SYNE2: variants seen among roughly 807,000 people sequenced by gnomAD.
SYNE2 encodes spectrin repeat containing nuclear envelope protein 2.
Under a neutral mutation model 856.3 loss-of-function variants are expected in SYNE2, and 431 were observed. The ratio of observed to expected loss-of-function variants is 0.50; its 90% confidence interval spans 0.47 to 0.55. The LOEUF (loss-of-function observed/expected upper bound fraction) is 0.55, where lower values mean the gene tolerates loss of function less well. Ranked by LOEUF, SYNE2 falls within the 20% of genes least tolerant of loss-of-function variation. The pLI, the probability that SYNE2 is intolerant of heterozygous loss-of-function variation, is 0.00. For missense variants in SYNE2, 8,129 were observed against 8,023.2 expected (o/e 1.01, Z -0.50); for synonymous variants, 2,923 against 2,872.3 (o/e 1.02, Z -0.56).
chr14:64,049,914 C>A, intron 47 of SYNE2, 38 bp downstream of exon 47: 1 of 1,609,764 alleles, frequency 6.2e-7, no homozygotes, highest in South Asian at 1.1e-5. Context: ...TCTTTTTATT[C>A]AAGCACAACC....
intron 1 of SYNE2, among the ~76,000 whole-genome samples, chr14:63,872,631 G>A (rs1038811840): frequency 2.0e-5 from 3 of 151,418 alleles, no homozygotes; most frequent in East Asian, 1.9e-4. Context: ...TGGTGGTGAC[G>A]GGTGCCTGTA....
chr14:64,006,639 G>A (rs781004720), intron 30 of SYNE2, among the ~76,000 whole-genome samples: 1 of 151,958 alleles, frequency 6.6e-6, no homozygotes, highest in Admixed American at 6.6e-5. Flanking sequence ...GACAAGTCTG[G>A]GCAACATAGT....
intron 101 of SYNE2, 168 bp from the exon 102 acceptor site, chr14:64,209,260 G>C: frequency 8.6e-7 from 1 of 1,166,704 alleles, no homozygotes. Flanking sequence ...GAGCTGCTTG[G>C]CGCTCCCAGG....
In SYNE2 at chr14:63,846,833, C is replaced by T. The variant is rs1038200448; in HGVS notation, c.-304-5668C>T. Among the ~76,000 whole-genome samples the T allele has an allele frequency of 1.2e-3, 178 of 151,834 alleles. 1 individual carries two copies. Among genetic ancestry groups the T allele is most frequent in the Non-Finnish European group, 5.3e-4 (36 of 67,952 alleles). Reference sequence around the variant, plus strand: ...GCTGGTCTCCAACTCCTGACCTCAACTTATCTGCCTGCCTCTGCCTCTCGA... The same window carrying T: ...GCTGGTCTCCAACTCCTGACCTCAATTTATCTGCCTGCCTCTGCCTCTCGA... On this transcript the variant is annotated intron_variant, in intron 1 of 23. Transcript: ENST00000674003.
At chr14:63,961,683 A>G in intron 9 of SYNE2, 58 bp downstream of exon 9, 2 of 1,243,372 alleles carry the variant, frequency 1.6e-6, no homozygotes, top group South Asian at 2.5e-5. Flanking sequence ...TAATGGTTTA[A>G]TTTTTAAAAT....
chr14:63,764,817 G>A (rs535637630), intron 1 of SYNE2, among the ~76,000 whole-genome samples: 99 of 152,128 alleles, frequency 6.5e-4, no homozygotes, highest in African/African-American at 1.2e-3. Context: ...GCGTGGTGGC[G>A]CACACCTGTG....
chr14:63,983,871 T>C lies in SYNE2; in HGVS notation c.2136T>C (p.Tyr712=). 6.5e-7 allele frequency: 1 copy of C among 1,549,380 alleles called. No homozygotes were observed. The highest frequency in any genetic ancestry group is 8.9e-7 in the Non-Finnish European group (1 of 1,126,424). The stretch of plus-strand genomic sequence containing the variant: ...TGTCAGTAGAACTTCCTGAAAATTA[T>C]AATCAAAATATAAAGGTAAAATAAT... The part of the protein sequence containing the change: ...TDMSVELPEN[Y]NQNIKAGEKH... The change falls in exon 18 of 116, where the codon TAT becomes TAC. Residue 712 remains tyrosine, a synonymous_variant. Coordinates refer to ENST00000555002, the MANE Select transcript of SYNE2 (RefSeq NM_182914.3).
At position 63,997,050 on chromosome 14, in the gene SYNE2, T is replaced by G; in HGVS notation, c.3044T>G (p.Val1015Gly). Reference sequence around the variant, plus strand: ...CCTTCACAGAAGAGTCAACAAGAAGTGAAGAGACTACTCAAAGATTATGAA... The same window carrying G: ...CCTTCACAGAAGAGTCAACAAGAAGGGAAGAGACTACTCAAAGATTATGAA... Reference protein sequence around the residue: ...ELPSQKSQQEVKRLLKDYEQK... With the variant: ...ELPSQKSQQEGKRLLKDYEQK... The change falls in exon 24 of 116, where the codon GTG becomes GGG. Residue 1015 changes from valine to glycine, a missense_variant. Transcript: ENST00000555002. The G allele has an allele frequency of 6.2e-7, 1 of 1,614,022 alleles. No homozygotes were observed. The highest frequency in any genetic ancestry group is 8.5e-7 in the Non-Finnish European group (1 of 1,179,994).
At chr14:64,103,220 T>C (rs1370177189) in intron 64 of SYNE2, among the ~76,000 whole-genome samples, 1 of 152,164 alleles carries the variant, frequency 6.6e-6, no homozygotes, top group Non-Finnish European at 1.5e-5. Context: ...AAACTCCATA[T>C]ATGTGAAAAT....
At chr14:64,101,791 A>C in intron 63 of SYNE2, 141 bp from the exon 64 acceptor site, 1 of 673,192 alleles carries the variant, frequency 1.5e-6, no homozygotes. Flanking sequence ...AGATAAAAAA[A>C]TGGGGGAGGA....
At chr14:63,827,876 G>A (rs1338891116) in intron 1 of SYNE2, among the ~76,000 whole-genome samples, 4 of 151,636 alleles carry the variant, frequency 2.6e-5, no homozygotes, top group African/African-American at 9.7e-5. Context: ...TTCTACATTT[G>A]CAGTTTCAAT....
chr14:64,140,482 T>A (rs2098130477), intron 80 of SYNE2, among the ~76,000 whole-genome samples: 1 of 152,210 alleles, frequency 6.6e-6, no homozygotes, highest in Admixed American at 6.5e-5. Context: ...CTCGGGAGGC[T>A]GAGGCAGGAG....
intron 44 of SYNE2, 89 bp downstream of exon 44, chr14:64,030,148 A>C (rs2097021199): frequency 2.3e-6 from 3 of 1,312,704 alleles, no homozygotes; most frequent in Non-Finnish European, 3.2e-6. Flanking sequence ...TCTGTCAGAA[A>C]TTCCAGTGGT....
At chr14:64,106,459 C>A (rs1293550439) in intron 64 of SYNE2, among the ~76,000 whole-genome samples, 2 of 152,176 alleles carry the variant, frequency 1.3e-5, no homozygotes, top group Non-Finnish European at 2.9e-5. Context: ...ATCATCCTGG[C>A]TAAAACGGTG....
chr14:64,191,496 TGA>T (rs1356716781), intron 99 of SYNE2, among the ~76,000 whole-genome samples: 1 of 152,038 alleles, frequency 6.6e-6, no homozygotes, highest in African/African-American at 2.4e-5. Flanking sequence ...ACACATACAT[TGA>T]GAGCAAACAG....
Position 63,996,992 on chromosome 14 carries a change from A to G in SYNE2, c.2986A>G (p.Met996Val), listed in dbSNP as rs2096718821. 1.9e-6 allele frequency: 3 copies of G among 1,614,098 alleles called. No individual in the cohort carries two copies. The highest frequency in any genetic ancestry group is 2.2e-5 in the South Asian group (2 of 91,074). The part of the protein sequence containing the change: ...EGCLYQLNHH[M>V]EVLRELCEEL... ...CTGCCTGTACCAGCTTAATCACCAC[A>G]TGGAAGTCCTGAGGGAGCTGTGTGA... is the stretch of plus-strand genomic sequence containing the variant. The change falls in exon 24 of 116, where the codon ATG (methionine) becomes GTG (valine). Residue 996 changes from methionine (M) to valine (V), a missense_variant. Met to Val is a conservative substitution (Grantham distance 21, BLOSUM62 1). Around this residue, in one of 3 missense-constraint regions of SYNE2, gnomAD observed 2,422 missense variants for 2,357.4 expected, o/e 1.03. Coordinates refer to ENST00000555002, the MANE Select transcript of SYNE2 (RefSeq NM_182914.3).
intron 2 of SYNE2, among the ~76,000 whole-genome samples, chr14:63,921,866 G>T (rs1193331383): frequency 6.6e-6 from 1 of 152,152 alleles, no homozygotes; most frequent in Non-Finnish European, 1.5e-5. Context: ...CATGGATTTG[G>T]CATTTCAGCT....
At chr14:63,987,256 G>GAA (rs112425180) in intron 19 of SYNE2, among the ~76,000 whole-genome samples, 1 of 142,542 alleles carries the variant, frequency 7.0e-6, no homozygotes, top group South Asian at 2.2e-4. Flanking sequence ...CTCCTTCTGG[G>GAA]AAAAAAAAAA....
chr14:63,944,757 G>A (rs1444765098), intron 6 of SYNE2, among the ~76,000 whole-genome samples: 2 of 143,054 alleles, frequency 1.4e-5, no homozygotes, highest in Admixed American at 7.1e-5. Flanking sequence ...CTGACCTCAT[G>A]ATCTTCCTGC....
Sources: gnomAD v4.1 joint callset for allele counts (sites outside exome capture counted in the v4.1 genomes callset) on GRCh38, gnomAD v4.1.1 for gene constraint, gnomAD v4.1.1 regional missense constraint, MANE v1.5 for transcripts, NCBI Gene and HGNC (gene_info 2026-07-23, HGNC 2026-07-21) for gene names.